The following LRP1B variants were observed in gnomAD, a reference collection of about 807,000 sequenced individuals.
LRP1B encodes the protein low-density lipoprotein receptor-related protein 1B.
LRP1B carries 217 observed loss-of-function variants against 556.6 expected under a neutral mutation model. The observed-to-expected ratio is 0.39, with a 90% CI of 0.35 to 0.44. The LOEUF (loss-of-function observed/expected upper bound fraction) is 0.44, where lower values mean the gene tolerates loss of function less well. LRP1B is among the 20% of genes least tolerant of loss of function. The probability of loss-of-function intolerance (pLI) is 1.00; values close to 1 mark genes in which losing one functional copy is unlikely to be tolerated. For synonymous variants in LRP1B, 2,047 were observed against 1,865.8 expected (o/e 1.10, Z -2.50); for missense variants, 5,053 against 5,620.8 (o/e 0.90, Z 3.23).
At chr2:140,797,755 G>A (rs763252814) in intron 32 of LRP1B, among the ~76,000 whole-genome samples, 13 of 152,058 alleles carry the variant, frequency 8.5e-5, no homozygotes, top group African/African-American at 2.7e-4. Context: ...TAGAATAAAG[G>A]TTCTGTAGAG....
chr2:140,917,662 A>G (rs1416110102), intron 21 of LRP1B, among the ~76,000 whole-genome samples: 2 of 152,144 alleles, frequency 1.3e-5, no homozygotes, highest in African/African-American at 4.8e-5. Context: ...CAGTAAAAAG[A>G]TCAGTAGCTT....
At chr2:141,801,534 A>G (rs1283757547) in intron 2 of LRP1B, among the ~76,000 whole-genome samples, 6 of 152,198 alleles carry the variant, frequency 3.9e-5, no homozygotes, top group Admixed American at 2.0e-4. Context: ...GATCACCAGG[A>G]GGACAGGTCT....
chr2:141,517,502 A>G (rs977715766), intron 2 of LRP1B, among the ~76,000 whole-genome samples: 3 of 152,206 alleles, frequency 2.0e-5, no homozygotes, highest in African/African-American at 7.2e-5. Flanking sequence ...AATATTCTAC[A>G]TGCAATACTG....
At chr2:140,441,334 T>C (rs1259055977) in intron 66 of LRP1B, among the ~76,000 whole-genome samples, 1 of 152,140 alleles carries the variant, frequency 6.6e-6, no homozygotes, top group African/African-American at 2.4e-5. Context: ...TAATATAAAC[T>C]AGCCCACAAA....
At chr2:141,591,106 G>A (rs1243039887) in intron 2 of LRP1B, among the ~76,000 whole-genome samples, 1 of 152,122 alleles carries the variant, frequency 6.6e-6, no homozygotes, top group African/African-American at 2.4e-5. Context: ...TCAGGCCAAG[G>A]CGATTAGCGA....
intron 2 of LRP1B, among the ~76,000 whole-genome samples, chr2:141,653,418 G>T (rs1418647489): frequency 1.3e-5 from 2 of 152,136 alleles, no homozygotes; most frequent in East Asian, 3.9e-4. Context: ...ACGTGTCATA[G>T]AAAAGAAAGC....
At chr2:141,549,246 A>G (rs913136046) in intron 2 of LRP1B, among the ~76,000 whole-genome samples, 3 of 152,150 alleles carry the variant, frequency 2.0e-5, no homozygotes. Context: ...GGAGATGATA[A>G]ATGTAAACCT....
At chr2:141,463,003 G>A (rs562953903) in intron 3 of LRP1B, among the ~76,000 whole-genome samples, 2 of 152,202 alleles carry the variant, frequency 1.3e-5, no homozygotes, top group East Asian at 3.9e-4. Flanking sequence ...ATTGACTATT[G>A]AGCTATATTG....
chr2:140,582,641 C>T (rs931046543), intron 43 of LRP1B, among the ~76,000 whole-genome samples: 3 of 152,182 alleles, frequency 2.0e-5, no homozygotes, highest in Admixed American at 6.5e-5. Flanking sequence ...TTCTGTCATG[C>T]GAGGATGCAA....
At chr2:141,164,261 T>A (rs1680157809) in intron 7 of LRP1B, among the ~76,000 whole-genome samples, 1 of 152,090 alleles carries the variant, frequency 6.6e-6, no homozygotes, top group African/African-American at 2.4e-5. Context: ...TCTTAATTAG[T>A]GTCAGGTATA....
chr2:140,761,050 C>T (rs1175635090), intron 35 of LRP1B, among the ~76,000 whole-genome samples: 1 of 152,048 alleles, frequency 6.6e-6, no homozygotes, highest in Admixed American at 6.5e-5. Flanking sequence ...AATTTAAATC[C>T]CATCTTTGTT....
At chr2:140,622,539 T>G (rs1250386114) in intron 41 of LRP1B, among the ~76,000 whole-genome samples, 3 of 152,156 alleles carry the variant, frequency 2.0e-5, no homozygotes, top group African/African-American at 4.8e-5. Context: ...ACGGCTGAGG[T>G]GAAGATGATT....
At chr2:141,666,458 A>G (rs1001937817) in intron 2 of LRP1B, among the ~76,000 whole-genome samples, 1 of 152,108 alleles carries the variant, frequency 6.6e-6, no homozygotes, top group African/African-American at 2.4e-5. Context: ...AGTTCAAGGA[A>G]TTCTCCCTCC....
intron 2 of LRP1B, among the ~76,000 whole-genome samples, chr2:141,612,905 C>A (rs965384065): frequency 2.0e-5 from 3 of 152,146 alleles, no homozygotes; most frequent in African/African-American, 7.2e-5. Context: ...CTGGTTCATG[C>A]CATTTTCCCG....
intron 47 of LRP1B, 141 bp downstream of exon 47, chr2:140,533,880 A>T (rs1690828665): frequency 2.4e-6 from 2 of 823,430 alleles, no homozygotes; most frequent in Admixed American, 5.4e-5. Context: ...TAGCAACTCC[A>T]TTCCAACAGC....
At chr2:140,898,850 G>A (rs1694022879) in intron 23 of LRP1B, 1 of 470,776 alleles carries the variant, frequency 2.1e-6, no homozygotes. Context: ...AACCAGATCT[G>A]AAGTATACCT....
chr2:140,862,633 C>G (rs1692832088), intron 27 of LRP1B, among the ~76,000 whole-genome samples: 1 of 152,192 alleles, frequency 6.6e-6, no homozygotes, highest in South Asian at 2.1e-4. Context: ...AAGCATCTCC[C>G]AGATTTTGGC....
chr2:140,720,427 C>T (rs1036882804), intron 35 of LRP1B, among the ~76,000 whole-genome samples: 1 of 151,608 alleles, frequency 6.6e-6, no homozygotes, highest in African/African-American at 2.4e-5. Flanking sequence ...CAAGAATTAC[C>T]ATATAGGGAA....
At chr2:141,071,543 AG>A (rs1699643624) in intron 7 of LRP1B, among the ~76,000 whole-genome samples, 2 of 152,184 alleles carry the variant, frequency 1.3e-5, no homozygotes, top group African/African-American at 4.8e-5. Flanking sequence ...GTATTCAATT[AG>A]GGAAAGAGGA....
Sources: gnomAD v4.1 joint callset for allele counts (sites outside exome capture counted in the v4.1 genomes callset) on GRCh38, gnomAD v4.1.1 for gene constraint, MANE v1.5 for transcripts, NCBI Gene and HGNC (gene_info 2026-07-23, HGNC 2026-07-21) for gene names.